Variants in CATSPERG observed in about 807,000 individuals in gnomAD.
CATSPERG encodes catsper channel auxiliary subunit gamma.
In CATSPERG, 115 loss-of-function variants were observed where a neutral mutation model predicts 145.0. The observed-to-expected ratio is 0.79, with a 90% CI of 0.68 to 0.93. CATSPERG has a LOEUF of 0.93. Ranked by LOEUF, CATSPERG falls within the 40% of genes least tolerant of loss-of-function variation. CATSPERG has a pLI of 0.00. For synonymous variants in CATSPERG, 588 were observed against 589.0 expected, an observed-to-expected ratio of 1.00 and a Z score of 0.02; for missense variants, 1,296 against 1,490.1, an observed-to-expected ratio of 0.87 and a Z score of 2.14.
rs2145066857 is a variant in CATSPERG at position 38,343,706 on chromosome 19, G to T, written c.451G>T (p.Ala151Ser). 6.5e-7 allele frequency: 1 copy of T among 1,549,972 alleles called. No homozygotes were observed. Among genetic ancestry groups the T allele is most frequent in the Non-Finnish European group, 8.7e-7 (1 of 1,146,694 alleles). ...GCAGCTGCAGATCCAGATGGAGGCTGCCCCCTTCCGCAGCAAAGGTGGGCC... is the reference window on the plus strand; with the variant it reads ...GCAGCTGCAGATCCAGATGGAGGCTTCCCCCTTCCGCAGCAAAGGTGGGCC... The part of the protein sequence containing the change: ...IEQLQIQMEA[A>S]PFRSKEPCMA... The change falls in exon 4 of 29, where the codon GCC becomes TCC. Residue 151 changes from alanine to serine, a missense_variant. Ala to Ser is a moderately conservative substitution (Grantham distance 99, BLOSUM62 1). Coordinates refer to ENST00000409235, the MANE Select transcript of CATSPERG (RefSeq NM_021185.5).
intron 23 of CATSPERG, 81 bp downstream of exon 23, chr19:38,367,393 C>A (rs551943534): frequency 4.5e-4 from 704 of 1,563,450 alleles, no homozygotes; most frequent in Non-Finnish European, 5.9e-4. Flanking sequence ...CCATTCCTCT[C>A]CCCGCAGACT....
chr19:38,355,338 CTG>C (rs1970224881), intron 9 of CATSPERG, among the ~76,000 whole-genome samples: 1 of 136,552 alleles, frequency 7.3e-6, no homozygotes, highest in Admixed American at 7.2e-5. Flanking sequence ...GAGTGAGACT[CTG>C]TCTCAAAAAC....
chr19:38,354,353 G>A (rs533502034), intron 8 of CATSPERG, among the ~76,000 whole-genome samples: 2 of 152,312 alleles, frequency 1.3e-5, no homozygotes, highest in South Asian at 2.1e-4. Flanking sequence ...AGGCCTCTAC[G>A]CAGCAACTGT....
chr19:38,339,063 AAGCCCC>A (rs1025025945), intron 3 of CATSPERG, among the ~76,000 whole-genome samples: 1 of 152,170 alleles, frequency 6.6e-6, no homozygotes, highest in Non-Finnish European at 1.5e-5. Flanking sequence ...GAGGCTGCTA[AAGCCCC>A]GAGCTCTGGG....
Position 38,367,529 on chromosome 19 carries a change from A to C in CATSPERG, c.2791A>C (p.Ile931Leu), listed in dbSNP as rs751564873. 6.2e-7 allele frequency: 1 copy of C among 1,613,832 alleles called. No homozygotes were observed. Among genetic ancestry groups the C allele is most frequent in the South Asian group, 1.1e-5 (1 of 91,064 alleles). The change falls in exon 24 of 29, where the codon ATT (isoleucine) becomes CTT (leucine). Residue 931 changes from isoleucine to leucine, a missense_variant. By Grantham distance (5) the Ile-to-Leu change is conservative. Coordinates refer to ENST00000409235, the MANE Select transcript of CATSPERG (RefSeq NM_021185.5). The part of the protein sequence containing the change: ...FRDIFYPFFL[I>L]QDLVTGDSGS... Reference sequence around the variant, plus strand: ...CATAGTTTTCTACCCCTTCTTCTTGATTCAAGATTTGGTGACAGGAGACTC... The same window carrying C: ...CATAGTTTTCTACCCCTTCTTCTTGCTTCAAGATTTGGTGACAGGAGACTC...
chr19:38,352,169 G>A lies in CATSPERG; in HGVS notation c.826-92G>A. 2.3e-6 allele frequency: 3 copies of A among 1,309,106 alleles called. No homozygotes were observed. In the South Asian group the frequency reaches 4.1e-5, roughly 18 times the overall value. The allele number at this position is 1,309,106 out of a possible 1,614,324, so 81.1% of individuals were successfully genotyped here. ...GGGCAGCTACATGTGTCCCTCCCAAGCAGCTGTCAGAGCAGGAGCTTCCCC... is the reference window on the plus strand; with the variant it reads ...GGGCAGCTACATGTGTCCCTCCCAAACAGCTGTCAGAGCAGGAGCTTCCCC... On this transcript the variant is annotated intron_variant, in intron 7 of 28. Transcript: ENST00000409235.
Position 38,368,040 on chromosome 19 carries a change from C to T in CATSPERG, c.2931-8C>T, listed in dbSNP as rs1448187272. 5 of 1,613,982 alleles carry T rather than the reference C, an allele frequency of 3.1e-6. No individual in the cohort carries two copies. The highest frequency in any genetic ancestry group is 4.2e-6 in the Non-Finnish European group (5 of 1,179,888). ...AACCCCTGGCTGAGATGACCTGGGC[C>T]TGCACAGGACCAACAGCCTTATCTG... On this transcript the variant is annotated splice_region_variant and splice_polypyrimidine_tract_variant and intron_variant, in intron 25 of 28. Coordinates refer to ENST00000409235, the MANE Select transcript of CATSPERG (RefSeq NM_021185.5).
intron 3 of CATSPERG, among the ~76,000 whole-genome samples, chr19:38,341,530 A>G (rs1969937989): frequency 6.6e-6 from 1 of 152,088 alleles, no homozygotes; most frequent in African/African-American, 2.4e-5. Context: ...TTGGGAGGCC[A>G]GGGAGAGAAG....
At chr19:38,350,534 C>G (rs1040729379) in intron 7 of CATSPERG, among the ~76,000 whole-genome samples, 1 of 152,138 alleles carries the variant, frequency 6.6e-6, no homozygotes, top group Admixed American at 6.6e-5. Flanking sequence ...CGTGTCACCA[C>G]GTCCAGCCAA....
At chr19:38,369,169 A>G (rs1466584951) in intron 26 of CATSPERG, among the ~76,000 whole-genome samples, 2 of 152,246 alleles carry the variant, frequency 1.3e-5, no homozygotes, top group African/African-American at 4.8e-5. Context: ...GTTTCATTCA[A>G]TGAAAGGAAA....
At chr19:38,348,164 C>CT (rs201112519) in intron 7 of CATSPERG, among the ~76,000 whole-genome samples, 43 of 149,144 alleles carry the variant, frequency 2.9e-4, no homozygotes, top group African/African-American at 7.4e-4. Context: ...TTTACACCAA[C>CT]TTTTTTTTTT....
At chr19:38,336,083 A>G in intron 1 of CATSPERG, 1 of 389,548 alleles carries the variant, frequency 2.6e-6, no homozygotes, top group Non-Finnish European at 5.2e-6. Flanking sequence ...CCGAACGTGA[A>G]GGGCGAAGGG....
chr19:38,360,183 C>T (rs997535874), intron 14 of CATSPERG: 8 of 985,188 alleles, frequency 8.1e-6, no homozygotes, highest in African/African-American at 7.0e-5. Flanking sequence ...CTCTAGGAAC[C>T]GTGGCTGTTA....
intron 17 of CATSPERG, 24 bp downstream of exon 17, chr19:38,361,885 C>T: frequency 1.3e-6 from 2 of 1,580,584 alleles, no homozygotes; most frequent in Non-Finnish European, 8.6e-7. Context: ...GGCGGGCGGG[C>T]AGGCCTGAGA....
rs568670541 is a variant in CATSPERG at position 38,346,834 on chromosome 19, C to T, written c.825+229C>T. Among the ~76,000 whole-genome samples, 14 of 152,304 alleles carry T rather than the reference C, an allele frequency of 9.2e-5. No individual in the cohort carries two copies. In the East Asian group the frequency reaches 1.7e-3, roughly 19 times the overall value. ...CCTGACCCTGGACCTGGCAGTTCAA[C>T]GACCCGGTCTTCAGATTCCCATTTG... On this transcript the variant is annotated intron_variant, in intron 7 of 28. Transcript: ENST00000409235.
In CATSPERG at chr19:38,361,907, C is replaced by A. The variant is rs1170906374; in HGVS notation, c.2094+46C>A. The A allele has an allele frequency of 3.3e-6, 5 of 1,521,734 alleles. No homozygotes were observed. In the South Asian group the frequency reaches 3.5e-5, roughly 11 times the overall value. 94.3% of individuals were successfully genotyped at this position (1,521,734 alleles called of 1,614,324 possible). On this transcript the variant is annotated intron_variant, in intron 17 of 28. Coordinates refer to ENST00000409235, the MANE Select transcript of CATSPERG (RefSeq NM_021185.5). ...GGGCAGGCCTGAGACGGGACTGGGG[C>A]AGCCGGGAGCTGGCTTAGAGGGCGA...
intron 3 of CATSPERG, among the ~76,000 whole-genome samples, chr19:38,342,878 C>T (rs980044007): frequency 6.6e-6 from 1 of 152,112 alleles, no homozygotes; most frequent in Admixed American, 6.6e-5. Context: ...GCCAGGATCC[C>T]GCATCCCTGG....
Position 38,367,145 on chromosome 19 carries a change from C to G in CATSPERG, c.2614-11C>G, listed in dbSNP as rs1485850240. 1 of 1,604,800 alleles carries G rather than the reference C, an allele frequency of 6.2e-7. No individual in the cohort carries two copies. Among genetic ancestry groups the G allele is most frequent in the Non-Finnish European group, 8.5e-7 (1 of 1,176,918 alleles). On this transcript the variant is annotated splice_polypyrimidine_tract_variant and intron_variant, in intron 22 of 28. Coordinates refer to ENST00000409235, the MANE Select transcript of CATSPERG (RefSeq NM_021185.5). ...TGGCCACCCCTGTGAGCCTTTTTTC[C>G]TCCCACCGAGGGCAACCTGATGGTG... is the stretch of plus-strand genomic sequence containing the variant.
rs1279830254 is a variant in CATSPERG at position 38,356,483 on chromosome 19, G to A, written c.1136-1G>A. On this transcript the variant is annotated splice_acceptor_variant, in intron 9 of 28. Transcript: ENST00000409235. LOFTEE classifies it high-confidence loss of function. ...AACATGAACCCGACCTTGCTCTGCA[G>A]ATGGCCAGGTGTCCTTTGAGATGCT... The A allele has an allele frequency of 2.5e-6, 4 of 1,614,056 alleles. No homozygotes were observed. Among genetic ancestry groups the A allele is most frequent in the Non-Finnish European group, 2.5e-6 (3 of 1,179,954 alleles).
Sources: gnomAD v4.1 joint callset for allele counts (sites outside exome capture counted in the v4.1 genomes callset) on GRCh38, gnomAD v4.1.1 for gene constraint, MANE v1.5 for transcripts, NCBI Gene and HGNC (gene_info 2026-07-23, HGNC 2026-07-21) for gene names.